Variants in SDK1 observed in about 807,000 individuals in gnomAD.
SDK1 encodes protein sidekick-1.
Under a neutral mutation model 245.5 loss-of-function variants are expected in SDK1, and 157 were observed. The observed-to-expected ratio is 0.64, with a 90% CI of 0.56 to 0.73. The LOEUF is 0.73. Among genes scored for constraint, SDK1 ranks in the 30% least tolerant of loss-of-function variants. The pLI, the probability that SDK1 is intolerant of heterozygous loss-of-function variation, is 0.00. For synonymous variants in SDK1, 1,647 were observed against 1,278.5 expected, an observed-to-expected ratio of 1.29 and a Z score of -6.15; for missense variants, 3,583 against 3,002.3, an observed-to-expected ratio of 1.19 and a Z score of -4.52.
rs114274165 is a variant in SDK1, at chr7:3,937,339, G to C, written c.848-13584G>C. On this transcript the variant is annotated intron_variant, in intron 5 of 44. Transcript: ENST00000404826. ...CATGGTCATGCGTTCCAGTGGGGGA[G>C]AGACAGACATGAACAAAACCAGCAC... Among the ~76,000 whole-genome samples, 736 of 152,294 alleles carry C rather than the reference G, an allele frequency of 4.8e-3. 7 individuals carry two copies. Among genetic ancestry groups the C allele is most frequent in the African/African-American group, 0.016 (671 of 41,552 alleles).
intron 5 of SDK1, among the ~76,000 whole-genome samples, chr7:3,884,279 G>T (rs949563478): frequency 5.3e-5 from 8 of 152,016 alleles, no homozygotes; most frequent in Non-Finnish European, 7.4e-5. Context: ...TGATGGCTGT[G>T]CATTATTTCA....
chr7:3,642,042 G>T lies in SDK1; in HGVS notation c.650G>T (p.Ser217Ile). 1 of 1,614,134 alleles carries T rather than the reference G, an allele frequency of 6.2e-7. No individual in the cohort carries two copies. Among genetic ancestry groups the T allele is most frequent in the Non-Finnish European group, 8.5e-7 (1 of 1,179,976 alleles). The change falls in exon 4 of 45, where the codon AGC becomes ATC. Residue 217 changes from serine to isoleucine, a missense_variant. Physicochemically the swap from Ser to Ile is moderately radical, Grantham distance 142. Transcript: ENST00000404826. The part of the protein sequence containing the change: ...AAILNLLPIT[S>I]YPRPQVTWFR... ...ATTCTAAACCTGCTGCCCATCACCAGCTACCCCAGACCTCAAGTGACTTGG... is the reference window on the plus strand; with the variant it reads ...ATTCTAAACCTGCTGCCCATCACCATCTACCCCAGACCTCAAGTGACTTGG...
At chr7:4,079,653 A>G (rs1880860) in intron 22 of SDK1, 69 bp downstream of exon 22, 400,624 of 1,588,332 alleles carry the variant, frequency 0.25, 57,836 homozygotes, top group African/African-American at 0.64. Context: ...AATGAGTGGT[A>G]CCCCTGCAGA....
chr7:4,256,277 C>T (rs374721522), intron 44 of SDK1, among the ~76,000 whole-genome samples: 6 of 152,152 alleles, frequency 3.9e-5, no homozygotes, highest in Admixed American at 3.3e-4. Flanking sequence ...ATCATTGTTC[C>T]GCTGGGGAGA....
At chr7:3,371,181 CAG>C (rs1441665639) in intron 1 of SDK1, among the ~76,000 whole-genome samples, 1 of 152,134 alleles carries the variant, frequency 6.6e-6, no homozygotes, top group Non-Finnish European at 1.5e-5. Flanking sequence ...TAGCCAGGCT[CAG>C]AGGAGAACAC....
At chr7:3,548,097 A>G (rs1779287115) in intron 1 of SDK1, among the ~76,000 whole-genome samples, 2 of 152,132 alleles carry the variant, frequency 1.3e-5, no homozygotes, top group African/African-American at 4.8e-5. Context: ...AACACATACT[A>G]TGTACTATAA....
intron 1 of SDK1, among the ~76,000 whole-genome samples, chr7:3,315,585 G>A (rs1341189411): frequency 6.6e-6 from 1 of 152,184 alleles, no homozygotes; most frequent in African/African-American, 2.4e-5. Context: ...ATAATATGAT[G>A]CAGTGAGTAT....
In SDK1 at chr7:3,779,801, G is replaced by A. The variant is rs111877391; in HGVS notation, c.714-41649G>A. On this transcript the variant is annotated intron_variant, in intron 4 of 44. Coordinates refer to ENST00000404826, the MANE Select transcript of SDK1 (RefSeq NM_152744.4). ...CAAAAAATTAGCCGGGCGCGGTGGC[G>A]GGCGCCTGTAGTCCCAGCTACTCGG... 3.6e-3 allele frequency among the ~76,000 whole-genome samples: 546 copies of A among 151,964 alleles called. 7 individuals are homozygous for A. The highest frequency in any genetic ancestry group is 0.016 in the South Asian group (78 of 4,814).
chr7:3,593,085 A>C (rs1279433943), intron 1 of SDK1, among the ~76,000 whole-genome samples: 1 of 152,234 alleles, frequency 6.6e-6, no homozygotes, highest in Non-Finnish European at 1.5e-5. Context: ...TGTCCTGCTA[A>C]TGGGGAACAT....
chr7:4,265,285 G>A lies in SDK1; in HGVS notation c.6543G>A (p.Gln2181=), dbSNP rs1334192737. Residue 2181 remains glutamine, a synonymous_variant, in exon 45 of 45, where the codon CAG becomes CAA. Transcript: ENST00000404826. The part of the protein sequence containing the change: ...EAVAGSEAGA[Q]LHPVITTQSA... ...TGGCGGGCTCCGAGGCGGGCGCGCA[G>A]CTGCACCCGGTCATCACCACGCAGA... 1 of 1,585,408 alleles carries A rather than the reference G, an allele frequency of 6.3e-7. No homozygotes were observed. Among genetic ancestry groups the A allele is most frequent in the Non-Finnish European group, 8.5e-7 (1 of 1,172,660 alleles).
rs1024678406 is a variant in SDK1, at chr7:3,631,153, C to T, written c.459-7851C>T. On this transcript the variant is annotated intron_variant, in intron 2 of 44. Coordinates refer to ENST00000404826, the MANE Select transcript of SDK1 (RefSeq NM_152744.4). ...TTCACCATGTTGCCCAGGCTGGTCT[C>T]GAACTTCTGGGCTCAAGCGATCCAC... is the stretch of plus-strand genomic sequence containing the variant. Among the ~76,000 whole-genome samples, 9 of 152,238 alleles carry T rather than the reference C, an allele frequency of 5.9e-5. No individual in the cohort carries two copies. In the East Asian group the frequency reaches 7.7e-4, roughly 13 times the overall value.
intron 4 of SDK1, among the ~76,000 whole-genome samples, chr7:3,649,577 C>T (rs1030299768): frequency 6.6e-6 from 1 of 152,008 alleles, no homozygotes; most frequent in Admixed American, 6.6e-5. Flanking sequence ...CAATGTGATC[C>T]TTAATAATAA....
chr7:4,044,435 T>A (rs915909216), intron 17 of SDK1, among the ~76,000 whole-genome samples: 3 of 148,752 alleles, frequency 2.0e-5, no homozygotes, highest in Non-Finnish European at 4.4e-5. Flanking sequence ...TCAAAGAATA[T>A]GCAGCATTTT....
At chr7:3,731,172 G>C (rs1224470544) in intron 4 of SDK1, among the ~76,000 whole-genome samples, 1 of 152,154 alleles carries the variant, frequency 6.6e-6, no homozygotes, top group South Asian at 2.1e-4. Context: ...GACGGGCGGA[G>C]AGCTGGTCAA....
At chr7:3,484,883 T>G (rs1781634631) in intron 1 of SDK1, among the ~76,000 whole-genome samples, 1 of 152,250 alleles carries the variant, frequency 6.6e-6, no homozygotes, top group African/African-American at 2.4e-5. Flanking sequence ...ATAACATATT[T>G]TGTTTGTTCA....
At chr7:3,488,305 A>C (rs933736156) in intron 1 of SDK1, among the ~76,000 whole-genome samples, 1 of 151,438 alleles carries the variant, frequency 6.6e-6, no homozygotes, top group Non-Finnish European at 1.5e-5. Flanking sequence ...TCTTTCTTTA[A>C]CTTCTTTTTT....
chr7:3,680,473 G>A (rs1162138019), intron 4 of SDK1, among the ~76,000 whole-genome samples: 2 of 152,102 alleles, frequency 1.3e-5, no homozygotes, highest in Non-Finnish European at 1.5e-5. Flanking sequence ...ATGAGTACAT[G>A]GAAAAATGAT....
intron 25 of SDK1, among the ~76,000 whole-genome samples, chr7:4,116,812 C>A (rs141197846): frequency 6.6e-6 from 1 of 152,192 alleles, no homozygotes; most frequent in Non-Finnish European, 1.5e-5. Context: ...ATGAGAGCCC[C>A]GGAAGAGCAG....
chr7:3,842,941 A>G (rs1331053961), intron 5 of SDK1, among the ~76,000 whole-genome samples: 2 of 152,118 alleles, frequency 1.3e-5, no homozygotes, highest in Non-Finnish European at 2.9e-5. Flanking sequence ...AAGAACATGT[A>G]TCGGCCAAGG....
Sources: allele counts gnomAD v4.1 joint callset (sites outside exome capture counted in the v4.1 genomes callset), GRCh38; gene constraint gnomAD v4.1.1; transcripts MANE v1.5; gene names NCBI Gene and HGNC (gene_info 2026-07-23, HGNC 2026-07-21).